The following DCAF6 variants were observed in gnomAD, a reference collection of about 807,000 sequenced individuals.
DCAF6 encodes DDB1 and CUL4 associated factor 6.
A neutral mutation model predicts 125.1 loss-of-function variants in DCAF6; 54 were observed. That is an observed-to-expected ratio of 0.43 (90% CI 0.35 to 0.54). DCAF6 has a LOEUF of 0.54. Among genes scored for constraint, DCAF6 ranks in the 20% least tolerant of loss-of-function variants. The pLI, the probability that DCAF6 is intolerant of heterozygous loss-of-function variation, is 0.01. For missense variants in DCAF6, 934 were observed against 1,161.7 expected (o/e 0.80, Z 2.85); for synonymous variants, 371 against 390.4 (o/e 0.95, Z 0.58).
rs868186743 is a variant in DCAF6 at position 168,009,401 on chromosome 1, T to C, written c.1378+4608T>C. On this transcript the variant is annotated intron_variant, in intron 10 of 21. Transcript: ENST00000367840. ...TTCCTTCCTTCCTTTCTTTCTTTCTTTCTCTCTCTCTCTTTTGTTTCTTTC... is the reference window on the plus strand; with the variant it reads ...TTCCTTCCTTCCTTTCTTTCTTTCTCTCTCTCTCTCTCTTTTGTTTCTTTC... Among the ~76,000 whole-genome samples, 29 of 143,262 alleles carry C rather than the reference T, an allele frequency of 2.0e-4. No homozygotes were observed. The East Asian group carries it at 2.5e-3, about 13-fold the overall frequency. The allele number at this position is 143,262 out of a possible 152,430, so 94.0% of individuals were successfully genotyped here.
In DCAF6 at chr1:167,971,862, A is replaced by AT. The variant is rs965788161; in HGVS notation, c.253-2957dup. ...ATAAAAAGTTATTATTGTTATTGTA[A>AT]TTTTTTTTTTTGAGACAGAGTCTTG... is the stretch of plus-strand genomic sequence containing the variant. On this transcript the variant is annotated intron_variant, in intron 3 of 21. Transcript: ENST00000367840. Among the ~76,000 whole-genome samples, 378 of 148,544 alleles carry AT rather than the reference A, an allele frequency of 2.5e-3. 1 individual carries two copies. The highest frequency in any genetic ancestry group is 7.8e-3 in the African/African-American group (318 of 40,672).
At chr1:168,067,843 A>C (rs1466657158) in intron 20 of DCAF6, among the ~76,000 whole-genome samples, 1 of 152,074 alleles carries the variant, frequency 6.6e-6, no homozygotes, top group East Asian at 1.9e-4. Flanking sequence ...GGTGTTCACG[A>C]GTATTCAAGT....
At chr1:167,905,397 G>T in the DCAF6 span, among the ~76,000 whole-genome samples, 1 of 152,192 alleles carries the variant, frequency 6.6e-6, no homozygotes, top group South Asian at 2.1e-4. Flanking sequence ...TTGCATAAGT[G>T]AGCTCCATTA....
At chr1:167,866,999 C>A in the DCAF6 span, among the ~76,000 whole-genome samples, 64,447 of 151,822 alleles carry the variant, frequency 0.42, 17,247 homozygotes, top group African/African-American at 0.76. Context: ...TGACTTTAAT[C>A]AGTACCAAAG....
the DCAF6 span, among the ~76,000 whole-genome samples, chr1:167,883,917 C>T: frequency 1.2e-3 from 183 of 152,288 alleles, no homozygotes; most frequent in Middle Eastern, 3.4e-3. Flanking sequence ...AGGGAAATAA[C>T]TACTGTTCTT....
At chr1:167,903,784 G>A in the DCAF6 span, 1 of 808,542 alleles carries the variant, frequency 1.2e-6, no homozygotes. Flanking sequence ...TGGGGAAGAG[G>A]AGGAGTGCTA....
the DCAF6 span, chr1:167,880,331 A>G: frequency 1.0e-6 from 1 of 978,006 alleles, no homozygotes; most frequent in Non-Finnish European, 1.6e-6. Context: ...AGTTTATGGC[A>G]TTTCTACATG....
intron 5 of DCAF6, among the ~76,000 whole-genome samples, chr1:167,990,150 A>T (rs1163323368): frequency 1.3e-5 from 2 of 152,158 alleles, no homozygotes; most frequent in Non-Finnish European, 2.9e-5. Flanking sequence ...AGTGATTACA[A>T]TTAAAATATT....
chr1:168,004,137 AT>A (rs1443060760), intron 9 of DCAF6, 148 bp downstream of exon 9: 1 of 1,030,198 alleles, frequency 9.7e-7, no homozygotes, highest in African/African-American at 1.6e-5. Context: ...GTAGTAGAGA[AT>A]AAAAGATATT....
chr1:167,870,942 T>G, the DCAF6 span, among the ~76,000 whole-genome samples: 1 of 152,206 alleles, frequency 6.6e-6, no homozygotes, highest in Non-Finnish European at 1.5e-5. Context: ...TTCATTTGAT[T>G]AGAAGCTGTG....
chr1:167,984,101 T>C (rs1024998537), intron 4 of DCAF6, among the ~76,000 whole-genome samples: 3 of 152,208 alleles, frequency 2.0e-5, no homozygotes, highest in Non-Finnish European at 2.9e-5. Flanking sequence ...GATCCAGTTA[T>C]TTGTCTTGAA....
the DCAF6 span, chr1:167,875,217 G>A: frequency 1.9e-6 from 3 of 1,606,452 alleles, no homozygotes; most frequent in Non-Finnish European, 2.6e-6. Context: ...ACAGATGCTA[G>A]ATTCAAAACA....
At chr1:167,907,398 T>A in the DCAF6 span, among the ~76,000 whole-genome samples, 1 of 152,240 alleles carries the variant, frequency 6.6e-6, no homozygotes, top group African/African-American at 2.4e-5. Context: ...CCCTTGTGGG[T>A]TGTATGGGGT....
At chr1:167,900,681 C>T in the DCAF6 span, among the ~76,000 whole-genome samples, 3 of 152,022 alleles carry the variant, frequency 2.0e-5, no homozygotes, top group East Asian at 1.9e-4. Flanking sequence ...TACAGGCACC[C>T]GCCATCACGC....
At chr1:168,069,730 A>G (rs1692795783) in intron 21 of DCAF6, among the ~76,000 whole-genome samples, 1 of 152,210 alleles carries the variant, frequency 6.6e-6, no homozygotes, top group Admixed American at 6.5e-5. Flanking sequence ...AAAACTTCAA[A>G]TGGTGAAAAC....
At chr1:168,004,871 TAAA>T in intron 10 of DCAF6, 78 bp downstream of exon 10, 1 of 1,450,500 alleles carries the variant, frequency 6.9e-7, no homozygotes, top group Admixed American at 2.1e-5. Context: ...TGAAAGATAC[TAAA>T]TCACATCAAC....
At chr1:167,889,703 G>A in the DCAF6 span, among the ~76,000 whole-genome samples, 111 of 152,300 alleles carry the variant, frequency 7.3e-4, no homozygotes, top group Admixed American at 1.7e-3. Flanking sequence ...TCGGGTCCCA[G>A]ATCTTGTTAC....
the DCAF6 span, among the ~76,000 whole-genome samples, chr1:167,863,737 C>T: frequency 3.3e-5 from 5 of 152,230 alleles, no homozygotes; most frequent in Non-Finnish European, 7.3e-5. Flanking sequence ...CCCGGTGGGA[C>T]ACCTCGCCAG....
intron 11 of DCAF6, among the ~76,000 whole-genome samples, chr1:168,021,259 T>A (rs937430858): frequency 6.6e-6 from 1 of 152,136 alleles, no homozygotes; most frequent in Admixed American, 6.5e-5. Flanking sequence ...GAGTTTATAG[T>A]TTTCTTACGG....
Sources: gnomAD v4.1 joint callset for allele counts (sites outside exome capture counted in the v4.1 genomes callset) on GRCh38, gnomAD v4.1.1 for gene constraint, MANE v1.5 for transcripts, NCBI Gene and HGNC (gene_info 2026-07-23, HGNC 2026-07-21) for gene names.